Variants in USP13 observed in about 807,000 individuals in gnomAD.
USP13 encodes the protein ubiquitin carboxyl-terminal hydrolase 13.
Under a neutral mutation model 107.8 loss-of-function variants are expected in USP13, and 68 were observed. The observed-to-expected ratio is 0.63, with a 90% CI of 0.52 to 0.77. USP13 has a LOEUF of 0.77. Ranked by LOEUF, USP13 falls within the 30% of genes least tolerant of loss-of-function variation. The probability of loss-of-function intolerance (pLI) is 0.00; values close to 1 mark genes in which losing one functional copy is unlikely to be tolerated. For missense variants in USP13, 945 were observed against 1,093.3 expected (o/e 0.86, Z 1.91); for synonymous variants, 377 against 389.5 (o/e 0.97, Z 0.38).
intron 6 of USP13, among the ~76,000 whole-genome samples, chr3:179,719,533 C>A (rs983794824): frequency 6.6e-6 from 1 of 152,140 alleles, no homozygotes; most frequent in Admixed American, 6.5e-5. Flanking sequence ...CCCCGGAGGT[C>A]CCCCCTGCCG....
At chr3:179,775,541 C>T (rs368968745) in intron 19 of USP13, among the ~76,000 whole-genome samples, 3 of 152,364 alleles carry the variant, frequency 2.0e-5, no homozygotes, top group East Asian at 1.9e-4. Context: ...CTTGGGCGGT[C>T]GATGGGACTG....
At chr3:179,735,902 C>T (rs1231946447) in intron 10 of USP13, among the ~76,000 whole-genome samples, 2 of 152,042 alleles carry the variant, frequency 1.3e-5, no homozygotes, top group African/African-American at 2.4e-5. Flanking sequence ...TAGCTGGGCA[C>T]AGTGGCGTGT....
intron 16 of USP13, among the ~76,000 whole-genome samples, chr3:179,757,674 A>G (rs1292435645): frequency 6.6e-6 from 1 of 152,276 alleles, no homozygotes; most frequent in Admixed American, 6.5e-5. Context: ...AAAGCATTTA[A>G]CACTAGATAC....
chr3:179,679,242 CAAAT>C lies in USP13; in HGVS notation c.169-2631_169-2628del, dbSNP rs986346770. Among the ~76,000 whole-genome samples, 290 of 151,980 alleles carry C rather than the reference CAAAT, an allele frequency of 1.9e-3. 3 individuals carry two copies. The highest frequency in any genetic ancestry group is 6.7e-3 in the African/African-American group (276 of 41,488). ...TATTGGAATTTAAACAAATTTTAAA[CAAAT>C]AAATTTTAAACAAACAAATTTTAAA... is the stretch of plus-strand genomic sequence containing the variant. On this transcript the variant is annotated intron_variant, in intron 1 of 20. Coordinates refer to ENST00000263966, the MANE Select transcript of USP13 (RefSeq NM_003940.3).
Position 179,784,365 on chromosome 3 carries a change from T to C in USP13, c.*224T>C, listed in dbSNP as rs7646699. 7.4e-6 allele frequency: 3 copies of C among 402,960 alleles called. No individual in the cohort carries two copies. In the South Asian group the frequency reaches 1.9e-4, roughly 25 times the overall value. The allele number at this position is 402,960 out of a possible 1,614,324, so 25.0% of individuals were successfully genotyped here. On this transcript the variant is annotated 3_prime_UTR_variant, in exon 21 of 21. Transcript: ENST00000263966. ...TATTGTAGATAGTTTTTATAAATGT[T>C]CAAAAAGATGATGATATTTAAAAAC...
At chr3:179,730,812 T>C in intron 10 of USP13, 103 bp downstream of exon 10, 1 of 1,038,234 alleles carries the variant, frequency 9.6e-7, no homozygotes, top group Non-Finnish European at 1.5e-6. Context: ...TTTAGCAAGC[T>C]GTCAGAATAG....
At chr3:179,755,561 G>C (rs1356868726) in intron 15 of USP13, among the ~76,000 whole-genome samples, 2 of 152,198 alleles carry the variant, frequency 1.3e-5, no homozygotes, top group African/African-American at 4.8e-5. Context: ...GCCTCCCAAA[G>C]TGTTGGGATT....
intron 13 of USP13, among the ~76,000 whole-genome samples, chr3:179,747,652 T>A (rs189691576): frequency 1.3e-5 from 2 of 152,262 alleles, no homozygotes; most frequent in East Asian, 3.9e-4. Flanking sequence ...AGAGGCAGAT[T>A]CCCTGAGCCC....
intron 19 of USP13, 30 bp downstream of exon 19, chr3:179,765,878 C>T: frequency 3.7e-6 from 6 of 1,608,066 alleles, no homozygotes; most frequent in Non-Finnish European, 5.1e-6. Flanking sequence ...GCTGTCTGAG[C>T]AGTCAGAACT....
intron 18 of USP13, among the ~76,000 whole-genome samples, 170 bp from the exon 19 acceptor site, chr3:179,765,525 A>T (rs1715143281): frequency 6.6e-6 from 1 of 152,212 alleles, no homozygotes; most frequent in South Asian, 2.1e-4. Context: ...TGCCATGCCA[A>T]CTGAACGTGC....
Position 179,742,267 on chromosome 3 carries a change from G to C in USP13, c.1451G>C (p.Cys484Ser), listed in dbSNP as rs1714229851. 6.2e-7 allele frequency: 1 copy of C among 1,614,106 alleles called. No individual in the cohort carries two copies. Among genetic ancestry groups the C allele is most frequent in the Non-Finnish European group, 8.5e-7 (1 of 1,180,056 alleles). ...RFLVEERIQC[C>S]QTRKVRYTER... ...TTGGTGGAAGAACGCATTCAGTGCT[G>C]TCAGACCCGGAAAGTCCGCTACACG... The change falls in exon 12 of 21, where the codon TGT becomes TCT. Residue 484 changes from cysteine (C) to serine (S), a missense_variant. Coordinates refer to ENST00000263966, the MANE Select transcript of USP13 (RefSeq NM_003940.3). This position sits in a 1 kb window ranked among gnomAD's most constrained non-coding sequence, Gnocchi z 5.0.
Position 179,768,004 on chromosome 3 carries a change from A to G in USP13, c.2413+2156A>G, listed in dbSNP as rs188618800. 3.5e-4 allele frequency among the ~76,000 whole-genome samples: 53 copies of G among 152,234 alleles called. No individual in the cohort carries two copies. In the Middle Eastern group the frequency reaches 0.014, roughly 39 times the overall value. On this transcript the variant is annotated intron_variant, in intron 19 of 20. Transcript: ENST00000263966. ...GAGATGTCGTTCTCCCAATTTCCAT[A>G]CTCATTTAAAGTATCTGGTATTACT...
chr3:179,657,577 G>A (rs1244282778), intron 1 of USP13, among the ~76,000 whole-genome samples: 3 of 151,316 alleles, frequency 2.0e-5, no homozygotes, highest in South Asian at 4.2e-4. Context: ...CCTGGCCAAC[G>A]TGGTGAAACC....
chr3:179,658,876 C>T (rs1167857865), intron 1 of USP13, among the ~76,000 whole-genome samples: 1 of 152,226 alleles, frequency 6.6e-6, no homozygotes, highest in African/African-American at 2.4e-5. Flanking sequence ...GGACCAGCAG[C>T]AGCTGAGAAG....
At chr3:179,753,101 G>T (rs1371992991) in intron 14 of USP13, among the ~76,000 whole-genome samples, 1 of 152,200 alleles carries the variant, frequency 6.6e-6, no homozygotes, top group African/African-American at 2.4e-5. Flanking sequence ...AGTTTCTCAA[G>T]CAAGAACCTT....
chr3:179,671,158 C>G (rs1720741059), intron 1 of USP13, among the ~76,000 whole-genome samples: 1 of 152,044 alleles, frequency 6.6e-6, no homozygotes, highest in African/African-American at 2.4e-5. Context: ...GAGGCTGAGG[C>G]AGGAGAAACC....
rs557592110 is a variant in USP13 at position 179,742,105 on chromosome 3, A to G, written c.1381-92A>G. 1.3e-6 allele frequency: 2 copies of G among 1,491,766 alleles called. No homozygotes were observed. Among genetic ancestry groups the G allele is most frequent in the South Asian group, 2.5e-5 (2 of 80,196 alleles). 92.4% of individuals were successfully genotyped at this position (1,491,766 alleles called of 1,614,324 possible). A position where few individuals can be genotyped will look rare whatever the true frequency, so the allele number is the denominator to read the frequency against. ...CCAGAGGAAATGTTTAATAAAGCCA[A>G]GTGTTTACACCGGGTTTAGAGTTCA... On this transcript the variant is annotated intron_variant, in intron 11 of 20. Transcript: ENST00000263966. The surrounding 1 kb of genome is among the most constrained non-coding windows in gnomAD (Gnocchi z 5.0).
intron 2 of USP13, among the ~76,000 whole-genome samples, chr3:179,689,881 C>T (rs1195564019): frequency 6.6e-6 from 1 of 152,164 alleles, no homozygotes; most frequent in Non-Finnish European, 1.5e-5. Flanking sequence ...AGATCCTCAC[C>T]TTCTGGAGCC....
At chr3:179,674,054 C>T (rs1041085872) in intron 1 of USP13, among the ~76,000 whole-genome samples, 9 of 152,152 alleles carry the variant, frequency 5.9e-5, no homozygotes, top group Non-Finnish European at 1.2e-4. Flanking sequence ...CCACTACGCC[C>T]GGCTAATTTT....
Sources: gnomAD v4.1 joint callset for allele counts (sites outside exome capture counted in the v4.1 genomes callset) on GRCh38, gnomAD v4.1.1 for gene constraint, Gnocchi (gnomAD v3.1) non-coding constraint, MANE v1.5 for transcripts, NCBI Gene and HGNC (gene_info 2026-07-23, HGNC 2026-07-21) for gene names.